Variants in BEND7 observed in about 807,000 individuals in gnomAD.
The protein encoded by BEND7 is BEN domain containing 7, also known as BEN domain-containing protein 7.
Under a neutral mutation model 50.9 loss-of-function variants are expected in BEND7, and 28 were observed. The observed-to-expected ratio is 0.55, with a 90% CI of 0.41 to 0.75. The LOEUF is 0.75. Among genes scored for constraint, BEND7 ranks in the 30% least tolerant of loss-of-function variants. The pLI is 0.00. For missense variants in BEND7, 477 were observed against 491.3 expected (o/e 0.97, Z 0.28); for synonymous variants, 170 against 183.9 (o/e 0.92, Z 0.61).
At chr10:13,508,642 T>G (rs757298833) in intron 2 of BEND7, among the ~76,000 whole-genome samples, 1 of 152,216 alleles carries the variant, frequency 6.6e-6, no homozygotes, top group Non-Finnish European at 1.5e-5. Context: ...AATGTATACA[T>G]GGCATTTACA....
chr10:13,474,986 C>T (rs1409014120), intron 6 of BEND7, among the ~76,000 whole-genome samples: 1 of 152,206 alleles, frequency 6.6e-6, no homozygotes, highest in Non-Finnish European at 1.5e-5. Flanking sequence ...CTGAATCTAT[C>T]TCTTAGCATG....
Position 13,475,220 on chromosome 10 carries a change from T to C in BEND7, c.1063+5679A>G, listed in dbSNP as rs1391715823. Among the ~76,000 whole-genome samples the C allele has an allele frequency of 2.0e-5, 3 of 152,320 alleles. No homozygotes were observed. The East Asian group carries it at 5.8e-4, about 29-fold the overall frequency. On this transcript the variant is annotated intron_variant, in intron 6 of 8. Transcript: ENST00000466271. The stretch of plus-strand genomic sequence containing the variant: ...ACAAATACAGCCAAGAGGCAAGCTA[T>C]ATTTCTGATGTAATTATACTGATGT...
At chr10:13,515,791 G>T (rs1368917911) in intron 2 of BEND7, among the ~76,000 whole-genome samples, 1 of 152,164 alleles carries the variant, frequency 6.6e-6, no homozygotes, top group Non-Finnish European at 1.5e-5. Context: ...TTTTTTTCCT[G>T]TTTAAAGTCA....
At chr10:13,461,367 C>T (rs1840161824) in intron 6 of BEND7, among the ~76,000 whole-genome samples, 1 of 152,180 alleles carries the variant, frequency 6.6e-6, no homozygotes, top group Non-Finnish European at 1.5e-5. Context: ...CAAGGGTCTA[C>T]CCCCGAGTAC....
chr10:13,521,240 C>A (rs547072737), intron 2 of BEND7, among the ~76,000 whole-genome samples: 24 of 151,926 alleles, frequency 1.6e-4, no homozygotes, highest in Non-Finnish European at 2.1e-4. Context: ...GCCTGCCATG[C>A]GGTTAAGGGC....
chr10:13,498,928 G>A (rs2077236377), intron 3 of BEND7, among the ~76,000 whole-genome samples: 1 of 152,128 alleles, frequency 6.6e-6, no homozygotes, highest in Admixed American at 6.5e-5. Flanking sequence ...TTTAAAAAAA[G>A]TCAAAACAGT....
At chr10:13,513,452 G>A (rs1589034809) in intron 2 of BEND7, among the ~76,000 whole-genome samples, 1 of 152,160 alleles carries the variant, frequency 6.6e-6, no homozygotes, top group Non-Finnish European at 1.5e-5. Context: ...GTCTAAAAAT[G>A]TTATTTTATC....
chr10:13,450,937 T>A (rs1837536362), intron 7 of BEND7, among the ~76,000 whole-genome samples: 1 of 151,436 alleles, frequency 6.6e-6, no homozygotes, highest in African/African-American at 2.4e-5. Flanking sequence ...AGAAGAGGGA[T>A]GTGGCGGCAC....
At chr10:13,456,571 A>C (rs1484795830) in intron 6 of BEND7, among the ~76,000 whole-genome samples, 1 of 152,160 alleles carries the variant, frequency 6.6e-6, no homozygotes, top group East Asian at 1.9e-4. Context: ...AAAATCAACC[A>C]GGTTGCCCAA....
intron 2 of BEND7, chr10:13,500,437 G>T: frequency 2.3e-6 from 2 of 862,960 alleles, no homozygotes; most frequent in Non-Finnish European, 2.9e-6. Context: ...GAACTGGACC[G>T]CGGAACCCCT....
intron 6 of BEND7, among the ~76,000 whole-genome samples, chr10:13,455,103 T>G (rs1838637532): frequency 6.6e-6 from 1 of 151,914 alleles, no homozygotes; most frequent in Non-Finnish European, 1.5e-5. Context: ...ACCTGAGAGA[T>G]GGAGGTTGCA....
chr10:13,500,096 C>T lies in BEND7; in HGVS notation c.146-16G>A, dbSNP rs1564375373. 1.9e-6 allele frequency: 3 copies of T among 1,550,726 alleles called. No individual in the cohort carries two copies. The highest frequency in any genetic ancestry group is 2.7e-5 in the African/African-American group (2 of 73,036). On this transcript the variant is annotated splice_polypyrimidine_tract_variant and intron_variant, in intron 2 of 8. Coordinates refer to ENST00000466271, the MANE Select transcript of BEND7 (RefSeq NM_001369863.1). ...CTTTCATCTCCTAATGGAAACAGGG[C>T]CAAAGTTAGCACTCTAAATTAGTGA... is the stretch of plus-strand genomic sequence containing the variant.
intron 6 of BEND7, among the ~76,000 whole-genome samples, chr10:13,453,379 C>G (rs1013781671): frequency 6.6e-6 from 1 of 152,076 alleles, no homozygotes; most frequent in African/African-American, 2.4e-5. Flanking sequence ...ACTTGTCCTT[C>G]GTAAGGTCAA....
intron 4 of BEND7, 116 bp downstream of exon 4, chr10:13,496,650 A>G: frequency 8.0e-7 from 1 of 1,251,260 alleles, no homozygotes; most frequent in Non-Finnish European, 1.1e-6. Flanking sequence ...GAAAAGGCAC[A>G]GCAAGACAGC....
chr10:13,473,746 G>A (rs1383754151), intron 6 of BEND7, among the ~76,000 whole-genome samples: 4 of 151,286 alleles, frequency 2.6e-5, no homozygotes, highest in South Asian at 2.1e-4. Flanking sequence ...TATTAGACTC[G>A]GGGTTGATAC....
At chr10:13,500,714 C>G in intron 2 of BEND7, 1 of 985,616 alleles carries the variant, frequency 1.0e-6, no homozygotes, top group Non-Finnish European at 1.2e-6. Flanking sequence ...CAGAGAGGCG[C>G]CGAGTGTGGC....
intron 2 of BEND7, among the ~76,000 whole-genome samples, chr10:13,513,383 C>T (rs1458186671): frequency 2.0e-5 from 3 of 152,216 alleles, no homozygotes; most frequent in African/African-American, 7.2e-5. Flanking sequence ...CAGAGCCATA[C>T]ATCCAATTGC....
At chr10:13,527,729 A>G (rs567774188) in intron 1 of BEND7, 2 of 592,426 alleles carry the variant, frequency 3.4e-6, no homozygotes, top group South Asian at 1.5e-4. Flanking sequence ...ATTTTTTTAA[A>G]AAAAAAAGTC....
chr10:13,493,460 C>T (rs1403761180), intron 4 of BEND7, among the ~76,000 whole-genome samples: 1 of 152,188 alleles, frequency 6.6e-6, no homozygotes, highest in Non-Finnish European at 1.5e-5. Flanking sequence ...CCAGTGAATC[C>T]TTCCTCACCA....
Sources: gnomAD v4.1 joint callset for allele counts (sites outside exome capture counted in the v4.1 genomes callset) on GRCh38, gnomAD v4.1.1 for gene constraint, MANE v1.5 for transcripts, NCBI Gene and HGNC (gene_info 2026-07-23, HGNC 2026-07-21) for gene names.